Variants in TNIK observed in about 807,000 individuals in gnomAD.
The protein encoded by TNIK is TRAF2 and NCK interacting kinase.
Under a neutral mutation model 191.3 loss-of-function variants are expected in TNIK, and 49 were observed. The observed-to-expected ratio is 0.26, with a 90% CI of 0.20 to 0.32. The LOEUF (loss-of-function observed/expected upper bound fraction) is 0.32. Ranked by LOEUF, TNIK falls within the 10% of genes least tolerant of loss-of-function variation. The probability of loss-of-function intolerance (pLI) is 1.00; values close to 1 mark genes in which losing one functional copy is unlikely to be tolerated. For missense variants in TNIK, 1,155 were observed against 1,702.3 expected, an observed-to-expected ratio of 0.68 and a Z score of 5.66; for synonymous variants, 594 against 600.9, an observed-to-expected ratio of 0.99 and a Z score of 0.17.
intron 2 of TNIK, among the ~76,000 whole-genome samples, chr3:171,284,646 A>G (rs986737014): frequency 3.3e-5 from 5 of 152,190 alleles, no homozygotes; most frequent in African/African-American, 1.2e-4. Context: ...TGAGCAATTT[A>G]TTGCAAATAG....
intron 2 of TNIK, among the ~76,000 whole-genome samples, chr3:171,239,741 G>A (rs1327498920): frequency 6.6e-6 from 1 of 152,184 alleles, no homozygotes; most frequent in African/African-American, 2.4e-5. Flanking sequence ...ATGCAGGATG[G>A]CTCTTACATA....
At chr3:171,271,767 TAA>T (rs1749134693) in intron 2 of TNIK, among the ~76,000 whole-genome samples, 1 of 152,214 alleles carries the variant, frequency 6.6e-6, no homozygotes, top group Non-Finnish European at 1.5e-5. Context: ...CTATTATATA[TAA>T]CTTTCAAACC....
rs71176593 is a variant in TNIK at position 171,137,108 on chromosome 3, CTTT to C, written c.1608+1080_1608+1082del. 8.4e-3 allele frequency among the ~76,000 whole-genome samples: 875 copies of C among 104,144 alleles called. 14 individuals carry two copies. The highest frequency in any genetic ancestry group is 0.031 in the African/African-American group (823 of 26,384). The allele number at this position is 104,144 out of a possible 152,430, so 68.3% of individuals were successfully genotyped here. ...AAGTACAAAAAAGTTTTTAAAAATCCTTTTTTTTTTTTTTTTTTTTTTTTTACT... is the reference window on the plus strand; with the variant it reads ...AAGTACAAAAAAGTTTTTAAAAATCCTTTTTTTTTTTTTTTTTTTTTTACT... On this transcript the variant is annotated intron_variant, in intron 15 of 32. Coordinates refer to ENST00000436636, the MANE Select transcript of TNIK (RefSeq NM_015028.4).
chr3:171,205,413 C>T (rs929895328), intron 4 of TNIK, among the ~76,000 whole-genome samples: 2 of 152,128 alleles, frequency 1.3e-5, no homozygotes, highest in Admixed American at 6.5e-5. Flanking sequence ...AGTGCTAGGC[C>T]CTTTGTCCTT....
intron 2 of TNIK, among the ~76,000 whole-genome samples, chr3:171,301,278 C>T (rs1037219195): frequency 6.6e-6 from 1 of 150,486 alleles, no homozygotes; most frequent in African/African-American, 2.4e-5. Flanking sequence ...CAGACAGATA[C>T]AGAATGTAGA....
intron 6 of TNIK, among the ~76,000 whole-genome samples, 176 bp downstream of exon 6, chr3:171,190,521 C>T (rs549637519): frequency 1.3e-5 from 2 of 152,280 alleles, no homozygotes; most frequent in East Asian, 3.9e-4. Flanking sequence ...ATAATTCATT[C>T]CTCAGAATGC....
chr3:171,364,464 A>G (rs974494678), intron 2 of TNIK, among the ~76,000 whole-genome samples: 16 of 152,180 alleles, frequency 1.1e-4, no homozygotes, highest in African/African-American at 3.6e-4. Flanking sequence ...GCTAAAAAAA[A>G]TTTAAAACTG....
intron 15 of TNIK, among the ~76,000 whole-genome samples, chr3:171,132,089 G>T (rs1416504762): frequency 6.6e-6 from 1 of 152,198 alleles, no homozygotes; most frequent in Non-Finnish European, 1.5e-5. Flanking sequence ...CCAAGTTTCT[G>T]CTCCAACTGC....
At chr3:171,301,228 T>C (rs921346602) in intron 2 of TNIK, among the ~76,000 whole-genome samples, 9 of 151,440 alleles carry the variant, frequency 5.9e-5, no homozygotes, top group African/African-American at 2.2e-4. Context: ...CAATAGTAAT[T>C]AACTGGAATC....
At chr3:171,372,068 C>T (rs1716563605) in intron 1 of TNIK, among the ~76,000 whole-genome samples, 1 of 152,186 alleles carries the variant, frequency 6.6e-6, no homozygotes, top group South Asian at 2.1e-4. Context: ...TCAGCTTCTA[C>T]ATCCAAAGGT....
intron 1 of TNIK, among the ~76,000 whole-genome samples, chr3:171,431,356 C>T (rs1330943395): frequency 6.6e-6 from 1 of 151,922 alleles, no homozygotes; most frequent in Non-Finnish European, 1.5e-5. Context: ...AGTTTTATTG[C>T]CAAAATGTCC....
chr3:171,255,761 G>C (rs909006734), intron 2 of TNIK, among the ~76,000 whole-genome samples: 1 of 152,184 alleles, frequency 6.6e-6, no homozygotes, highest in Non-Finnish European at 1.5e-5. Context: ...AGTGCCTTTA[G>C]AGACCCCAGG....
At chr3:171,150,669 A>C (rs780551358) in intron 12 of TNIK, among the ~76,000 whole-genome samples, 5 of 152,210 alleles carry the variant, frequency 3.3e-5, no homozygotes, top group Non-Finnish European at 7.4e-5. Flanking sequence ...TTCACTGGGA[A>C]AAGGAGACTT....
At chr3:171,400,675 C>T (rs1577788656) in intron 1 of TNIK, among the ~76,000 whole-genome samples, 1 of 152,128 alleles carries the variant, frequency 6.6e-6, no homozygotes, top group Non-Finnish European at 1.5e-5. Flanking sequence ...TTTGTAAATA[C>T]AGTTCCATAT....
chr3:171,139,510 A>T lies in TNIK; in HGVS notation c.1379T>A (p.Ile460Asn), dbSNP rs1163673771. ...QLEEEQRQLE[I>N]LQQQLLHEQA... ...TTCATGCAGTAGCTGCTGCTGCAAG[A>T]TCTCTAACTGTCTCTGCTCCTCCTC... The change falls in exon 14 of 33, where the codon ATC becomes AAC. Residue 460 changes from isoleucine to asparagine, a missense_variant. Transcript: ENST00000436636. 1 of 1,613,634 alleles carries T rather than the reference A, an allele frequency of 6.2e-7. No individual in the cohort carries two copies. The highest frequency in any genetic ancestry group is 8.5e-7 in the Non-Finnish European group (1 of 1,179,754).
chr3:171,226,645 T>C (rs1300356993), intron 3 of TNIK, among the ~76,000 whole-genome samples: 5 of 152,158 alleles, frequency 3.3e-5, no homozygotes, highest in East Asian at 1.9e-4. Context: ...ATTTGAACTT[T>C]TGTAATACCT....
intron 18 of TNIK, among the ~76,000 whole-genome samples, chr3:171,114,724 T>C (rs1560133887): frequency 6.6e-6 from 1 of 152,226 alleles, no homozygotes; most frequent in Non-Finnish European, 1.5e-5. Flanking sequence ...GTAAAATCAG[T>C]TGCAGAGTGA....
intron 2 of TNIK, among the ~76,000 whole-genome samples, chr3:171,232,848 C>T (rs544602387): frequency 4.6e-5 from 7 of 152,280 alleles, no homozygotes; most frequent in East Asian, 1.9e-4. Flanking sequence ...CACTCAAGTA[C>T]GATTAATACA....
chr3:171,457,619 G>T (rs963566102), intron 1 of TNIK, among the ~76,000 whole-genome samples: 3 of 152,190 alleles, frequency 2.0e-5, no homozygotes, highest in Non-Finnish European at 4.4e-5. Context: ...GATTTGTGGA[G>T]ATTACCTATG....
Sources: gnomAD v4.1 joint callset for allele counts (sites outside exome capture counted in the v4.1 genomes callset) on GRCh38, gnomAD v4.1.1 for gene constraint, MANE v1.5 for transcripts, NCBI Gene and HGNC (gene_info 2026-07-23, HGNC 2026-07-21) for gene names.